The following PIEZO1 variants were observed in gnomAD, a reference collection of about 807,000 sequenced individuals.
PIEZO1 encodes piezo type mechanosensitive ion channel component 1 (Er blood group).
A neutral mutation model predicts 297.2 loss-of-function variants in PIEZO1; 296 were observed. The observed-to-expected ratio is 1.00, with a 90% CI of 0.91 to 1.10. The LOEUF is 1.10. Among genes scored for constraint, PIEZO1 ranks in the 50% least tolerant of loss-of-function variants. The probability of loss-of-function intolerance (pLI) is 0.00; values close to 1 mark genes in which losing one functional copy is unlikely to be tolerated. For synonymous variants in PIEZO1, 2,427 were observed against 1,507.5 expected, an observed-to-expected ratio of 1.61 and a Z score of -14.13; for missense variants, 5,018 against 3,455.5, an observed-to-expected ratio of 1.45 and a Z score of -11.34.
rs780080666 is a variant in PIEZO1 at position 88,726,716 on chromosome 16, G to A, written c.3698C>T (p.Ser1233Leu). ...GGTGCGGGGGGGCCGGAGGCTCACC[G>A]ACAGCATGTTCTTGGAGATGATGAC... ...VTVIISKNML[S>L]LLACVFVEQM... The change falls in exon 25 of 51, where the codon TCG becomes TTG. Residue 1233 changes from serine (S) to leucine (L), a missense_variant and splice_region_variant. Coordinates refer to ENST00000301015, the MANE Select transcript of PIEZO1 (RefSeq NM_001142864.4). 3.4e-5 allele frequency: 53 copies of A among 1,549,508 alleles called. No individual in the cohort carries two copies. The highest frequency in any genetic ancestry group is 1.1e-4 in the South Asian group (9 of 83,998).
intron 16 of PIEZO1, 56 bp downstream of exon 16, chr16:88,734,299 TC>T: frequency 7.0e-7 from 1 of 1,421,586 alleles, no homozygotes; most frequent in South Asian, 1.4e-5. Context: ...CCTGGCTCCC[TC>T]CCTGGCCCAG....
rs1229725370 is a variant in PIEZO1 at position 88,737,556 on chromosome 16, C to T, written c.1195+3G>A. On this transcript the variant is annotated splice_donor_region_variant and intron_variant, in intron 10 of 50. Coordinates refer to ENST00000301015, the MANE Select transcript of PIEZO1 (RefSeq NM_001142864.4). Reference sequence around the variant, plus strand: ...GCCATACCTTGCAGTGTGCGGTACTCACCAGGCCGCCGCAGGACGGAGCTC... The same window carrying T: ...GCCATACCTTGCAGTGTGCGGTACTTACCAGGCCGCCGCAGGACGGAGCTC... 1.3e-6 allele frequency: 2 copies of T among 1,529,882 alleles called. No homozygotes were observed. The highest frequency in any genetic ancestry group is 1.4e-5 in the African/African-American group (1 of 72,858). The allele number at this position is 1,529,882 out of a possible 1,614,324, so 94.8% of individuals were successfully genotyped here.
chr16:88,726,667 G>A (rs1597450190), intron 25 of PIEZO1, 24 bp from the exon 26 acceptor site: 2 of 1,547,666 alleles, frequency 1.3e-6, no homozygotes, highest in Non-Finnish European at 1.7e-6. Flanking sequence ...GGGTCAGCGG[G>A]GCCAGCGGGG....
intron 1 of PIEZO1, among the ~76,000 whole-genome samples, chr16:88,782,301 T>G (rs931686556): frequency 2.0e-5 from 3 of 152,080 alleles, no homozygotes; most frequent in Admixed American, 6.5e-5. Flanking sequence ...TTCATAGAGA[T>G]GGGGATCTCT....
chr16:88,722,063 G>T lies in PIEZO1; in HGVS notation c.4959C>A (p.Arg1653=), dbSNP rs955705936. ...CCTCCTCCAGCTCTGGGATGCGCAG[G>T]CGCCTACAGGGAGACCCGCGTGTTT... is the stretch of plus-strand genomic sequence containing the variant. The part of the protein sequence containing the change: ...RTASELLLDR[R]LRIPELEEAE... Residue 1653 remains arginine (R), a synonymous_variant, in exon 37 of 51, where the codon CGC becomes CGA. Coordinates refer to ENST00000301015, the MANE Select transcript of PIEZO1 (RefSeq NM_001142864.4). 1 of 1,545,204 alleles carries T rather than the reference G, an allele frequency of 6.5e-7. No homozygotes were observed. Among genetic ancestry groups the T allele is most frequent in the Non-Finnish European group, 8.7e-7 (1 of 1,145,044 alleles).
At chr16:88,721,059 T>C (rs1912400778) in intron 39 of PIEZO1, 107 bp downstream of exon 39, 1 of 1,152,166 alleles carries the variant, frequency 8.7e-7, no homozygotes, top group Admixed American at 2.9e-5. Flanking sequence ...GGGATCCAGG[T>C]GGGCCTCGCA....
chr16:88,715,595 G>C lies in PIEZO1; in HGVS notation c.*10C>G. ...CCGGCTCCTTCCCTCTCGGGCGCCA[G>C]CAGCAGCTCCTACTCCTTCTCACGA... is the stretch of plus-strand genomic sequence containing the variant. On this transcript the variant is annotated 3_prime_UTR_variant, in exon 51 of 51. Coordinates refer to ENST00000301015, the MANE Select transcript of PIEZO1 (RefSeq NM_001142864.4). 6.5e-7 allele frequency: 1 copy of C among 1,547,448 alleles called. No individual in the cohort carries two copies. The highest frequency in any genetic ancestry group is 8.7e-7 in the Non-Finnish European group (1 of 1,145,440).
intron 30 of PIEZO1, among the ~76,000 whole-genome samples, chr16:88,724,291 G>A (rs145762948): frequency 6.6e-6 from 1 of 152,250 alleles, no homozygotes; most frequent in Non-Finnish European, 1.5e-5. Context: ...AGCACTGTGG[G>A]AGGCTGAGGC....
rs768952742 is a variant in PIEZO1 at position 88,716,445 on chromosome 16, T to C, written c.6965A>G (p.Glu2322Gly). Residue 2322 changes from glutamate to glycine, a missense_variant, in exon 48 of 51, where the codon GAG becomes GGG. Transcript: ENST00000301015. ...AKGGTVEYAN[E>G]KHMLALAPNS... ...GGGGGCCAGGGCCAGCATGTGCTTC[T>C]CGTTGGCATACTCCACAGTGCCTCC... 6 of 1,549,782 alleles carry C rather than the reference T, an allele frequency of 3.9e-6. No homozygotes were observed. In the East Asian group the frequency reaches 1.2e-4, roughly 32 times the overall value.
At chr16:88,728,324 G>T (rs527493137) in intron 22 of PIEZO1, among the ~76,000 whole-genome samples, 1 of 152,282 alleles carries the variant, frequency 6.6e-6, no homozygotes, top group Non-Finnish European at 1.5e-5. Flanking sequence ...GCATGGATGT[G>T]ACTCCACGCA....
At chr16:88,718,487 A>G (rs1043281285) in intron 44 of PIEZO1, 1 of 152,292 alleles carries the variant, frequency 6.6e-6, no homozygotes, top group Admixed American at 6.5e-5. Context: ...ATGCCACAGA[A>G]TATCATTTGC....
At chr16:88,727,519 G>A (rs1184179796) in intron 23 of PIEZO1, 38 bp downstream of exon 23, 2 of 790,242 alleles carry the variant, frequency 2.5e-6, no homozygotes, top group East Asian at 2.7e-5. Context: ...GTACTCTGAG[G>A]GTCCTCTGCA....
chr16:88,745,842 T>C (rs9788969), intron 2 of PIEZO1: 73,960 of 151,874 alleles, frequency 0.49, 19,082 homozygotes, highest in East Asian at 0.7. Context: ...CCCAGGGTAT[T>C]GCAGACCGGA....
rs1222236265 is a variant in PIEZO1, at chr16:88,758,587, G to T, written c.65-9108C>A. 5.3e-5 allele frequency among the ~76,000 whole-genome samples: 8 copies of T among 152,358 alleles called. No individual in the cohort carries two copies. In the East Asian group the frequency reaches 1.5e-3, roughly 29 times the overall value. On this transcript the variant is annotated intron_variant, in intron 1 of 50. Coordinates refer to ENST00000301015, the MANE Select transcript of PIEZO1 (RefSeq NM_001142864.4). ...GGCACCCACGGACTCACAAGACACA[G>T]CAGATGCAGGAACAGCCTCGGCACC...
At position 88,738,512 on chromosome 16, in the gene PIEZO1, G is replaced by A. The variant is rs952264412; in HGVS notation, c.634+56C>T. On this transcript the variant is annotated intron_variant, in intron 6 of 50. Transcript: ENST00000301015. ...TCCCGCTGTCTCCACAGTCATCAGG[G>A]AACTCCCAAGACCCCTCCCAGTGTG... 8 of 1,445,566 alleles carry A rather than the reference G, an allele frequency of 5.5e-6. No individual in the cohort carries two copies. The African/African-American group carries it at 1.6e-4, about 29-fold the overall frequency. The allele number at this position is 1,445,566 out of a possible 1,614,324, so 89.5% of individuals were successfully genotyped here.
chr16:88,727,175 G>T lies in PIEZO1; in HGVS notation c.3319C>A (p.Leu1107Met). Reference sequence around the variant, plus strand: ...ACCTGCCACTGCTGGGAGGCGCACAGCAGCAGGAGAAAGTCGCCTGCAGGA... The same window carrying T: ...ACCTGCCACTGCTGGGAGGCGCACATCAGCAGGAGAAAGTCGCCTGCAGGA... ...TNLISDFLLL[L>M]CASQQWQVFS... Residue 1107 changes from leucine to methionine, a missense_variant, in exon 24 of 51, where the codon CTG becomes ATG. Physicochemically the swap from Leu to Met is conservative, Grantham distance 15 (BLOSUM62 2). Transcript: ENST00000301015. 1 of 1,543,564 alleles carries T rather than the reference G, an allele frequency of 6.5e-7. No individual in the cohort carries two copies. The highest frequency in any genetic ancestry group is 8.8e-7 in the Non-Finnish European group (1 of 1,142,802).
Position 88,715,557 on chromosome 16 carries a change from G to A in PIEZO1, c.*48C>T, listed in dbSNP as rs1408079774. 10 of 1,523,552 alleles carry A rather than the reference G, an allele frequency of 6.6e-6. No homozygotes were observed. Among genetic ancestry groups the A allele is most frequent in the African/African-American group, 2.8e-5 (2 of 72,596 alleles). The allele number at this position is 1,523,552 out of a possible 1,614,324, so 94.4% of individuals were successfully genotyped here. On this transcript the variant is annotated 3_prime_UTR_variant, in exon 51 of 51. Coordinates refer to ENST00000301015, the MANE Select transcript of PIEZO1 (RefSeq NM_001142864.4). ...GAGGAGTGCCGCCCCTTGTGGCCACGCTGCCCAGCAGGCCGGCTCCTTCCC... is the reference window on the plus strand; with the variant it reads ...GAGGAGTGCCGCCCCTTGTGGCCACACTGCCCAGCAGGCCGGCTCCTTCCC...
In PIEZO1 at chr16:88,717,109, G is replaced by A. The variant is rs772614278; in HGVS notation, c.6574C>T (p.Leu2192Phe). ...ACGGAGCGCACCAGCGACATGAAGA[G>A]CAGTGGGAACCAGATGATGGCGATG... is the stretch of plus-strand genomic sequence containing the variant. Reference protein sequence around the residue: ...FLIAIIWFPLLFMSLVRSVVG... With the variant: ...FLIAIIWFPLFFMSLVRSVVG... The change falls in exon 45 of 51, where the codon CTC (leucine) becomes TTC (phenylalanine). Residue 2192 changes from leucine to phenylalanine, a missense_variant. Leu to Phe is a conservative substitution (Grantham distance 22). Coordinates refer to ENST00000301015, the MANE Select transcript of PIEZO1 (RefSeq NM_001142864.4). 6.4e-7 allele frequency: 1 copy of A among 1,551,370 alleles called. No homozygotes were observed. The highest frequency in any genetic ancestry group is 1.4e-5 in the African/African-American group (1 of 73,188).
intron 44 of PIEZO1, 176 bp downstream of exon 44, chr16:88,719,398 T>A (rs1912266292): frequency 3.2e-6 from 2 of 620,360 alleles, no homozygotes; most frequent in Non-Finnish European, 5.7e-6. Flanking sequence ...CACTCGCAGC[T>A]GCCAAGATCA....
Sources: allele counts gnomAD v4.1 joint callset (sites outside exome capture counted in the v4.1 genomes callset), GRCh38; gene constraint gnomAD v4.1.1; transcripts MANE v1.5; gene names NCBI Gene and HGNC (gene_info 2026-07-23, HGNC 2026-07-21).